CEP68: variants seen among roughly 807,000 people sequenced by gnomAD.
CEP68 encodes centrosomal protein 68.
A neutral mutation model predicts 55.3 loss-of-function variants in CEP68; 26 were observed. The observed-to-expected ratio is 0.47, with a 90% CI of 0.34 to 0.65. CEP68 has a LOEUF of 0.65. CEP68 is among the 30% of genes least tolerant of loss of function. The probability of loss-of-function intolerance (pLI) is 0.01; values close to 1 mark genes in which losing one functional copy is unlikely to be tolerated. For missense variants in CEP68, 957 were observed against 946.7 expected, an observed-to-expected ratio of 1.01 and a Z score of -0.14; for synonymous variants, 402 against 383.2, an observed-to-expected ratio of 1.05 and a Z score of -0.57.
Position 65,074,306 on chromosome 2 carries a change from C to G in CEP68, c.1909C>G (p.Leu637Val). ...GACATTTTGCTGTCAGCTGGAAGAGCTGATCTGCTGGCTGTATAATGTTGC... is the reference window on the plus strand; with the variant it reads ...GACATTTTGCTGTCAGCTGGAAGAGGTGATCTGCTGGCTGTATAATGTTGC... The part of the protein sequence containing the change: ...VKTFCCQLEE[L>V]ICWLYNVADV... The change falls in exon 4 of 7, where the codon CTG (leucine) becomes GTG (valine). Residue 637 changes from leucine (L) to valine (V), a missense_variant. By Grantham distance (32) the Leu-to-Val change is conservative. Coordinates refer to ENST00000377990, the MANE Select transcript of CEP68 (RefSeq NM_015147.3). 1 of 1,614,186 alleles carries G rather than the reference C, an allele frequency of 6.2e-7. No homozygotes were observed. Among genetic ancestry groups the G allele is most frequent in the Non-Finnish European group, 8.5e-7 (1 of 1,180,010 alleles).
Position 65,071,628 on chromosome 2 carries a change from C to G in CEP68, c.532C>G (p.Leu178Val). 6 of 1,614,174 alleles carry G rather than the reference C, an allele frequency of 3.7e-6. No individual in the cohort carries two copies. The highest frequency in any genetic ancestry group is 5.1e-6 in the Non-Finnish European group (6 of 1,180,030). The change falls in exon 3 of 7, where the codon CTG becomes GTG. Residue 178 changes from leucine to valine, a missense_variant. Leu to Val is a conservative substitution (Grantham distance 32). Transcript: ENST00000377990. ...GCCTCACAGCTCAGGTCTCTCTTGC[C>G]TGTCACAGTGGAAGTCCGTGCTGAG... Reference protein sequence around the residue: ...QQPHSSGLSCLSQWKSVLSPG... With the variant: ...QQPHSSGLSCVSQWKSVLSPG...
intron 3 of CEP68, chr2:65,073,728 G>T (rs1676617302): frequency 6.2e-6 from 1 of 161,470 alleles, no homozygotes; most frequent in South Asian, 1.8e-4. Context: ...GAATGTGCCT[G>T]TCCAGGAACG....
rs1191069081 is a variant in CEP68 at position 65,085,903 on chromosome 2, T to C, written c.*2269T>C. On this transcript the variant is annotated 3_prime_UTR_variant, in exon 7 of 7. Transcript: ENST00000377990. ...CAAACATGGCCAAATTAGAGTCAAGTAGCTGAGCTTGCTAACTGCACTGTG... is the reference window on the plus strand; with the variant it reads ...CAAACATGGCCAAATTAGAGTCAAGCAGCTGAGCTTGCTAACTGCACTGTG... The C allele has an allele frequency of 6.6e-6, 1 of 152,212 alleles. No homozygotes were observed. The highest frequency in any genetic ancestry group is 1.5e-5 in the Non-Finnish European group (1 of 68,040). The allele number at this position is 152,212 out of a possible 1,614,324, so 9.4% of individuals were successfully genotyped here.
intron 4 of CEP68, 121 bp downstream of exon 4, chr2:65,074,525 C>A: frequency 1.4e-6 from 2 of 1,386,808 alleles, no homozygotes; most frequent in Non-Finnish European, 2.0e-6. Context: ...GACTATTATA[C>A]CTGAAATCTA....
At chr2:65,066,863 G>T (rs1463107445) in intron 1 of CEP68, among the ~76,000 whole-genome samples, 2 of 150,496 alleles carry the variant, frequency 1.3e-5, no homozygotes, top group Admixed American at 1.3e-4. Flanking sequence ...GAACCAGGGA[G>T]GCGGAGGTTG....
chr2:65,058,940 C>T (rs958611841), intron 1 of CEP68, among the ~76,000 whole-genome samples: 1 of 152,100 alleles, frequency 6.6e-6, no homozygotes, highest in Non-Finnish European at 1.5e-5. Flanking sequence ...TGCCAAATAG[C>T]AATTTGGCCA....
At position 65,085,048 on chromosome 2, in the gene CEP68, CTTAAA is replaced by C. The variant is rs1668987929; in HGVS notation, c.*1417_*1421del. 1 of 152,176 alleles carries C rather than the reference CTTAAA, an allele frequency of 6.6e-6. No homozygotes were observed. 9.4% of individuals were successfully genotyped at this position (152,176 alleles called of 1,614,324 possible). ...AGGTAGAGATGTCTGACGGCCTCTT[CTTAAA>C]TTGATATATTTTACCTTCTCTTAGA... On this transcript the variant is annotated 3_prime_UTR_variant, in exon 7 of 7. Coordinates refer to ENST00000377990, the MANE Select transcript of CEP68 (RefSeq NM_015147.3).
At chr2:65,060,574 A>G (rs1558553248) in intron 1 of CEP68, among the ~76,000 whole-genome samples, 1 of 152,200 alleles carries the variant, frequency 6.6e-6, no homozygotes, top group Admixed American at 6.5e-5. Context: ...TTAAAAAAAA[A>G]TAAATGAATA....
chr2:65,060,508 T>C (rs1485432250), intron 1 of CEP68, among the ~76,000 whole-genome samples: 1 of 151,758 alleles, frequency 6.6e-6, no homozygotes, highest in Non-Finnish European at 1.5e-5. Flanking sequence ...GGAGGGAGGA[T>C]TGCTTGAGTT....
In CEP68 at chr2:65,072,995, C is replaced by G. The variant is rs779922346; in HGVS notation, c.1884+15C>G. The G allele has an allele frequency of 6.2e-7, 1 of 1,613,688 alleles. No homozygotes were observed. The highest frequency in any genetic ancestry group is 8.5e-7 in the Non-Finnish European group (1 of 1,179,606). ...AATGTGTGAAGGTAATGACACTCAA[C>G]GTTAGGAAGCTTTGTGTACAGGTGT... On this transcript the variant is annotated intron_variant, in intron 3 of 6. Coordinates refer to ENST00000377990, the MANE Select transcript of CEP68 (RefSeq NM_015147.3).
chr2:65,069,336 C>A, intron 1 of CEP68, 63 bp from the exon 2 acceptor site: 3 of 889,504 alleles, frequency 3.4e-6, no homozygotes, highest in Non-Finnish European at 5.0e-6. Flanking sequence ...TGTTAAAGAG[C>A]AAGACTTCCT....
At chr2:65,059,112 T>G (rs1212583460) in intron 1 of CEP68, among the ~76,000 whole-genome samples, 2 of 152,190 alleles carry the variant, frequency 1.3e-5, no homozygotes, top group African/African-American at 4.8e-5. Flanking sequence ...AGGTGGACTC[T>G]CCTTATAACT....
At chr2:65,069,871 C>A in intron 2 of CEP68, 70 bp downstream of exon 2, 1 of 1,301,806 alleles carries the variant, frequency 7.7e-7, no homozygotes, top group Non-Finnish European at 1.1e-6. Flanking sequence ...GATTTCCTCA[C>A]CATCTTGCAT....
chr2:65,062,307 G>T (rs947508588), intron 1 of CEP68, among the ~76,000 whole-genome samples: 1 of 152,198 alleles, frequency 6.6e-6, no homozygotes, highest in Non-Finnish European at 1.5e-5. Flanking sequence ...GCCGAGGCAG[G>T]CAGGTCACTT....
In CEP68 at chr2:65,077,850, T is replaced by C. The variant is rs1573045728; in HGVS notation, c.2008-18T>C. 6.9e-6 allele frequency: 11 copies of C among 1,589,504 alleles called. No individual in the cohort carries two copies. In the East Asian group the frequency reaches 2.2e-4, roughly 32 times the overall value. On this transcript the variant is annotated intron_variant, in intron 4 of 6. Coordinates refer to ENST00000377990, the MANE Select transcript of CEP68 (RefSeq NM_015147.3). ...AGTAACGAAGCTTCTGCCTTTTCTT[T>C]TTCTGATACGCCTTAAGCAATTTAA...
intron 1 of CEP68, among the ~76,000 whole-genome samples, chr2:65,067,103 G>A (rs1676226041): frequency 1.3e-5 from 2 of 151,790 alleles, no homozygotes; most frequent in Admixed American, 1.3e-4. Context: ...GGAAGGATAA[G>A]CCTGGTACAG....
rs745578973 is a variant in CEP68, at chr2:65,071,467, A to C, written c.371A>C (p.Lys124Thr). Residue 124 changes from lysine (K) to threonine (T), a missense_variant, in exon 3 of 7, where the codon AAG becomes ACG. Lys to Thr is a moderately conservative substitution (Grantham distance 78). Transcript: ENST00000377990. Reference sequence around the variant, plus strand: ...TGATCATTGCAGGTGGAGAAGACCAAGCTTTCTTCCTCCGAGGAGTTCCCT... The same window carrying C: ...TGATCATTGCAGGTGGAGAAGACCACGCTTTCTTCCTCCGAGGAGTTCCCT... ...LSGESQVEKT[K>T]LSSSEEFPQT... 1.9e-6 allele frequency: 3 copies of C among 1,613,180 alleles called. No individual in the cohort carries two copies. In the Admixed American group the frequency reaches 5.0e-5, roughly 27 times the overall value.
intron 4 of CEP68, 183 bp downstream of exon 4, chr2:65,074,587 T>C (rs1676670329): frequency 3.6e-6 from 3 of 838,824 alleles, no homozygotes; most frequent in Admixed American, 2.1e-5. Context: ...GCATGAATTA[T>C]TTCCCAGGCC....
rs533866381 is a variant in CEP68, at chr2:65,073,092, C to T, written c.1884+112C>T. 4.0e-5 allele frequency: 46 copies of T among 1,136,918 alleles called. No individual in the cohort carries two copies. The South Asian group carries it at 5.8e-4, about 14-fold the overall frequency. The allele number at this position is 1,136,918 out of a possible 1,614,324, so 70.4% of individuals were successfully genotyped here. ...TGTTGACCAGGCACTTTTTATGTGC[C>T]AGGCATTGTGCTGTACCTTATCTTA... On this transcript the variant is annotated intron_variant, in intron 3 of 6. Coordinates refer to ENST00000377990, the MANE Select transcript of CEP68 (RefSeq NM_015147.3).
Sources: gnomAD v4.1 joint callset for allele counts (sites outside exome capture counted in the v4.1 genomes callset) on GRCh38, gnomAD v4.1.1 for gene constraint, MANE v1.5 for transcripts, NCBI Gene and HGNC (gene_info 2026-07-23, HGNC 2026-07-21) for gene names.